The following SCRG1 variants were observed in gnomAD, a reference collection of about 807,000 sequenced individuals.
SCRG1 encodes scrapie-responsive protein 1.
Under a neutral mutation model 7.7 loss-of-function variants are expected in SCRG1, and 3 were observed. The observed-to-expected ratio is 0.39, with a 90% CI of 0.18 to 1.01. The LOEUF is 1.01. Among genes scored for constraint, SCRG1 ranks in the 50% least tolerant of loss-of-function variants. SCRG1 has a pLI of 0.36. For missense variants in SCRG1, 110 were observed against 117.2 expected (o/e 0.94, Z 0.28); for synonymous variants, 46 against 41.2 (o/e 1.12, Z -0.44).
the SCRG1 span, among the ~76,000 whole-genome samples, chr4:173,513,148 GAC>G: frequency 6.6e-6 from 1 of 152,082 alleles, no homozygotes; most frequent in Non-Finnish European, 1.5e-5. Context: ...GGAGAGAGGG[GAC>G]ACACAAAAAT....
chr4:173,466,110 AAAG>A, the SCRG1 span, among the ~76,000 whole-genome samples: 11 of 152,274 alleles, frequency 7.2e-5, no homozygotes, highest in Admixed American at 2.0e-4. Flanking sequence ...TACAGGTTAA[AAAG>A]AAGAAGAAGA....
chr4:173,482,166 T>C, the SCRG1 span, among the ~76,000 whole-genome samples: 2 of 152,320 alleles, frequency 1.3e-5, no homozygotes, highest in African/African-American at 4.8e-5. Context: ...GGCATGGGAC[T>C]GGGAGTTATA....
At chr4:173,474,615 T>C in the SCRG1 span, among the ~76,000 whole-genome samples, 1 of 152,234 alleles carries the variant, frequency 6.6e-6, no homozygotes, top group Non-Finnish European at 1.5e-5. Context: ...ACCATTTAAC[T>C]GAACTTCACT....
upstream of SCRG1, among the ~76,000 whole-genome samples, chr4:173,408,991 C>CAAAAAAAAAAAAAAAA (rs991902394): frequency 2.1e-3 from 106 of 50,902 alleles, no homozygotes; most frequent in Non-Finnish European, 3.1e-3. Context: ...GACTCAGTCT[C>CAAAAAAAAAAAAAAAA]AAAAAAAAAA....
At chr4:173,436,904 G>A in the SCRG1 span, among the ~76,000 whole-genome samples, 1 of 152,042 alleles carries the variant, frequency 6.6e-6, no homozygotes, top group Non-Finnish European at 1.5e-5. Flanking sequence ...GATTTTAATT[G>A]CTTCACTCAT....
chr4:173,404,251 A>G (rs1739841623), intron 2 of SCRG1: 1 of 152,178 alleles, frequency 6.6e-6, no homozygotes, highest in Non-Finnish European at 1.5e-5. Context: ...ACCTAAAACA[A>G]CAGTACCTTT....
At chr4:173,473,918 G>A in the SCRG1 span, among the ~76,000 whole-genome samples, 33 of 152,298 alleles carry the variant, frequency 2.2e-4, no homozygotes, top group African/African-American at 7.5e-4. Flanking sequence ...GGTGGCTCAC[G>A]CCTGTAATCC....
At chr4:173,466,997 T>C in the SCRG1 span, among the ~76,000 whole-genome samples, 1 of 152,300 alleles carries the variant, frequency 6.6e-6, no homozygotes, top group South Asian at 2.1e-4. Context: ...TTATTAGTTA[T>C]GAGTTTTTTC....
At chr4:173,408,690 A>G (rs1196844378), upstream of SCRG1, among the ~76,000 whole-genome samples, 1 of 152,008 alleles carries the variant, frequency 6.6e-6, no homozygotes, top group African/African-American at 2.4e-5. Flanking sequence ...TGACCATTTT[A>G]GTGTCAGAAA....
chr4:173,413,392 C>T, the SCRG1 span, among the ~76,000 whole-genome samples: 1 of 152,220 alleles, frequency 6.6e-6, no homozygotes, highest in Non-Finnish European at 1.5e-5. Context: ...GCTCATTCCA[C>T]AGATGAACAG....
the SCRG1 span, among the ~76,000 whole-genome samples, chr4:173,442,892 C>T: frequency 6.6e-6 from 1 of 152,122 alleles, no homozygotes; most frequent in African/African-American, 2.4e-5. Context: ...TCTTAAGGGC[C>T]CCATCTCCCA....
the SCRG1 span, among the ~76,000 whole-genome samples, chr4:173,476,363 A>AAAATATATATATATATAT: frequency 1.3e-4 from 13 of 98,496 alleles, no homozygotes; most frequent in East Asian, 3.6e-4. Context: ...GGAAAAAAAA[A>AAAATATATATATATATAT]ATATATATAT....
chr4:173,466,184 T>C, the SCRG1 span, among the ~76,000 whole-genome samples: 1 of 152,188 alleles, frequency 6.6e-6, no homozygotes, highest in Non-Finnish European at 1.5e-5. Flanking sequence ...GTTTCTTTTT[T>C]ATTTGGTACA....
upstream of SCRG1, chr4:173,399,204 C>G (rs1472049316): frequency 6.6e-6 from 1 of 152,234 alleles, no homozygotes; most frequent in Non-Finnish European, 1.5e-5. Context: ...TCTGCCTTGT[C>G]TCTGGCCTGG....
At chr4:173,490,922 G>T in the SCRG1 span, among the ~76,000 whole-genome samples, 1 of 152,132 alleles carries the variant, frequency 6.6e-6, no homozygotes, top group Non-Finnish European at 1.5e-5. Flanking sequence ...TCTGAACCAA[G>T]TGTCCCGTCC....
At chr4:173,498,811 T>C in the SCRG1 span, among the ~76,000 whole-genome samples, 1 of 152,100 alleles carries the variant, frequency 6.6e-6, no homozygotes, top group Non-Finnish European at 1.5e-5. Flanking sequence ...GAAATAAATA[T>C]AGAGAAACTG....
the SCRG1 span, among the ~76,000 whole-genome samples, chr4:173,501,004 C>T: frequency 4.6e-5 from 7 of 152,238 alleles, no homozygotes; most frequent in African/African-American, 1.7e-4. This position sits in a 1 kb window ranked among gnomAD's most constrained non-coding sequence, Gnocchi z 5.1. Context: ...AGTGGGGAAA[C>T]CCAGAGGCGG....
the SCRG1 span, among the ~76,000 whole-genome samples, chr4:173,457,165 A>G: frequency 1.3e-5 from 2 of 152,230 alleles, no homozygotes; most frequent in African/African-American, 2.4e-5. Context: ...TTAACAAAAC[A>G]TCTGCAGAGG....
the SCRG1 span, among the ~76,000 whole-genome samples, chr4:173,439,363 C>A: frequency 7.9e-5 from 12 of 151,900 alleles, no homozygotes; most frequent in African/African-American, 2.2e-4. Flanking sequence ...TCTGTCTCTA[C>A]AAATTTTAAA....
Sources: allele counts gnomAD v4.1 joint callset (sites outside exome capture counted in the v4.1 genomes callset), GRCh38; gene constraint gnomAD v4.1.1; non-coding constraint Gnocchi (gnomAD v3.1); transcripts MANE v1.5; gene names NCBI Gene and HGNC (gene_info 2026-07-23, HGNC 2026-07-21).